Variants in FANK1 observed in about 807,000 individuals in gnomAD.
FANK1 encodes the protein fibronectin type 3 and ankyrin repeat domains protein 1.
A neutral mutation model predicts 45.3 loss-of-function variants in FANK1; 44 were observed. The observed-to-expected ratio is 0.97, with a 90% confidence interval of 0.76 to 1.25. The LOEUF (loss-of-function observed/expected upper bound fraction) is 1.25. FANK1 is among the 50% of genes most tolerant of loss of function. The probability of loss-of-function intolerance (pLI) is 0.00; values close to 1 mark genes in which losing one functional copy is unlikely to be tolerated. For missense variants in FANK1, 391 were observed against 424.4 expected (o/e 0.92, Z 0.69); for synonymous variants, 149 against 152.5 (o/e 0.98, Z 0.17).
At chr10:125,949,251 G>C (rs1387586082) in intron 1 of FANK1, among the ~76,000 whole-genome samples, 1 of 150,276 alleles carries the variant, frequency 6.7e-6, no homozygotes. Flanking sequence ...TCAACATAGT[G>C]TTGTAAGTTC....
At chr10:125,938,482 G>A (rs1219903106) in intron 1 of FANK1, among the ~76,000 whole-genome samples, 5 of 152,084 alleles carry the variant, frequency 3.3e-5, no homozygotes, top group Non-Finnish European at 5.9e-5. Flanking sequence ...TAGAATATTC[G>A]GTGTGCCACG....
At chr10:125,973,566 C>A in intron 1 of FANK1, 1 of 661,190 alleles carries the variant, frequency 1.5e-6, no homozygotes, top group Non-Finnish European at 1.9e-6. Context: ...AAATTGGTTT[C>A]TCTAAGAAAA....
In FANK1 at chr10:125,915,574, T is replaced by C. The variant is rs538948130; in HGVS notation, c.13+18919T>C. Among the ~76,000 whole-genome samples the C allele has an allele frequency of 2.6e-5, 4 of 152,348 alleles. No individual in the cohort carries two copies. In the South Asian group the frequency reaches 6.2e-4, roughly 24 times the overall value. On this transcript the variant is annotated intron_variant, in intron 1 of 10. Transcript: ENST00000368693. ...GCTCACGCCTGTTATCCCAGCACTT[T>C]GGGAGGTTGAGGTAGACATCACTTG...
At chr10:125,930,752 A>G (rs1332400934) in intron 1 of FANK1, among the ~76,000 whole-genome samples, 1 of 152,134 alleles carries the variant, frequency 6.6e-6, no homozygotes, top group Non-Finnish European at 1.5e-5. Context: ...ATTAGGGGAC[A>G]GGTGGTATTT....
intron 3 of FANK1, among the ~76,000 whole-genome samples, chr10:125,990,653 G>A (rs1054255628): frequency 6.6e-6 from 1 of 152,192 alleles, no homozygotes; most frequent in African/African-American, 2.4e-5. Flanking sequence ...CAGGGCAGGG[G>A]CTTCTGGCCG....
intron 2 of FANK1, 41 bp downstream of exon 2, chr10:125,980,379 C>T (rs1347994587): frequency 1.3e-6 from 2 of 1,573,426 alleles, no homozygotes; most frequent in Non-Finnish European, 1.7e-6. Flanking sequence ...TGCCTTACTT[C>T]CTGATTAGCT....
chr10:125,941,603 T>G (rs918804580), intron 1 of FANK1, among the ~76,000 whole-genome samples: 2 of 152,240 alleles, frequency 1.3e-5, no homozygotes, highest in African/African-American at 4.8e-5. Flanking sequence ...AGAATGTTCA[T>G]AGCTGTATGG....
At chr10:125,955,774 A>G (rs1455706075) in intron 1 of FANK1, among the ~76,000 whole-genome samples, 1 of 152,114 alleles carries the variant, frequency 6.6e-6, no homozygotes, top group Non-Finnish European at 1.5e-5. Context: ...GCCTGGCCCC[A>G]TCTTATTTTT....
intron 6 of FANK1, among the ~76,000 whole-genome samples, chr10:126,001,541 A>G (rs1952757911): frequency 6.6e-6 from 1 of 152,156 alleles, no homozygotes; most frequent in Non-Finnish European, 1.5e-5. Context: ...GATGCCCTGC[A>G]GGGCTGTGCT....
rs532563649 is a variant in FANK1 at position 125,902,383 on chromosome 10, C to T, written c.13+5728C>T. 2.6e-5 allele frequency among the ~76,000 whole-genome samples: 4 copies of T among 152,344 alleles called. No homozygotes were observed. The East Asian group carries it at 5.8e-4, about 22-fold the overall frequency. ...TGCCTAACACGGAGTAAACCCTAAA[C>T]ATTCATGGAATGGATAGCACTGCTG... is the stretch of plus-strand genomic sequence containing the variant. On this transcript the variant is annotated intron_variant, in intron 1 of 10. Transcript: ENST00000368693.
At chr10:125,945,917 C>A (rs1010997381) in intron 1 of FANK1, among the ~76,000 whole-genome samples, 1 of 152,228 alleles carries the variant, frequency 6.6e-6, no homozygotes, top group African/African-American at 2.4e-5. Context: ...AACCGGCAGA[C>A]TGCCTCCTCA....
intron 4 of FANK1, 22 bp downstream of exon 4, chr10:125,995,520 T>G (rs1437036710): frequency 1.2e-6 from 2 of 1,604,528 alleles, no homozygotes; most frequent in Non-Finnish European, 1.7e-6. Context: ...CTGTCAGTTG[T>G]TTTTTTTCCC....
chr10:125,996,295 C>T (rs186543655), intron 4 of FANK1, among the ~76,000 whole-genome samples: 17 of 152,228 alleles, frequency 1.1e-4, no homozygotes, highest in Non-Finnish European at 1.8e-4. Flanking sequence ...GGCTTTGAGC[C>T]GAAGCATGTA....
chr10:125,909,393 T>C (rs1945804087), intron 1 of FANK1, among the ~76,000 whole-genome samples: 1 of 152,186 alleles, frequency 6.6e-6, no homozygotes, highest in African/African-American at 2.4e-5. Context: ...TTCTCTATTA[T>C]GTCTTTGTTT....
chr10:125,965,429 A>G (rs941708925), intron 1 of FANK1, among the ~76,000 whole-genome samples: 2 of 152,218 alleles, frequency 1.3e-5, no homozygotes, highest in African/African-American at 4.8e-5. Context: ...ATATATAACA[A>G]TTTGGCTTTT....
intron 1 of FANK1, among the ~76,000 whole-genome samples, chr10:125,966,299 T>C (rs562249908): frequency 7.9e-5 from 12 of 152,234 alleles, no homozygotes; most frequent in Non-Finnish European, 1.8e-4. Context: ...CATTAGATGA[T>C]GTATTCTTTG....
intron 1 of FANK1, among the ~76,000 whole-genome samples, chr10:125,935,923 TTAAGC>T (rs1165720532): frequency 6.6e-6 from 1 of 152,202 alleles, no homozygotes; most frequent in Non-Finnish European, 1.5e-5. Context: ...GACTACATTT[TTAAGC>T]TAATAAGGGC....
At chr10:125,962,041 T>A (rs1233033111) in intron 1 of FANK1, among the ~76,000 whole-genome samples, 1 of 152,118 alleles carries the variant, frequency 6.6e-6, no homozygotes, top group Non-Finnish European at 1.5e-5. Flanking sequence ...ATAAACACAG[T>A]GAAAGGGCAA....
In FANK1 at chr10:126,009,129, G is replaced by A. The variant is rs935473177; in HGVS notation, c.925G>A (p.Glu309Lys). ...AGGGGCAGATGCAAGTGTAAAAAAT[G>A]AGGTAAATGAGTCCATCTTTATGTA... is the stretch of plus-strand genomic sequence containing the variant. ...DKGADASVKN[E>K]FGKGVLEMAR... Residue 309 changes from glutamate (E) to lysine (K), a missense_variant and splice_region_variant, in exon 9 of 11, where the codon GAG becomes AAG. By Grantham distance (56) the Glu-to-Lys change is moderately conservative. Transcript: ENST00000368693. 1 of 1,614,194 alleles carries A rather than the reference G, an allele frequency of 6.2e-7. No homozygotes were observed. Among genetic ancestry groups the A allele is most frequent in the Non-Finnish European group, 8.5e-7 (1 of 1,180,020 alleles).
Sources: gnomAD v4.1 joint callset for allele counts (sites outside exome capture counted in the v4.1 genomes callset) on GRCh38, gnomAD v4.1.1 for gene constraint, MANE v1.5 for transcripts, NCBI Gene and HGNC (gene_info 2026-07-23, HGNC 2026-07-21) for gene names.